The following ARMCX4 variants were observed in gnomAD, a reference collection of about 807,000 sequenced individuals.
ARMCX4 encodes the protein armadillo repeat-containing X-linked protein 4.
A neutral mutation model predicts 34.7 loss-of-function variants in ARMCX4; 3 were observed. The ratio of observed to expected loss-of-function variants is 0.09; its 90% confidence interval spans 0.04 to 0.22. The LOEUF is 0.22. ARMCX4 is among the 10% of genes least tolerant of loss of function. The probability of loss-of-function intolerance (pLI) is 1.00; values close to 1 mark genes in which losing one functional copy is unlikely to be tolerated. For missense variants in ARMCX4, 1,448 were observed against 1,720.8 expected (o/e 0.84, Z 2.81); for synonymous variants, 513 against 632.8 (o/e 0.81, Z 2.84).
At chrX:101,448,045 CTTAA>C (rs1451590690), downstream of ARMCX4, among the ~76,000 whole-genome samples, 1 of 111,455 alleles carries the variant, frequency 9.0e-6, no homozygotes, top group Non-Finnish European at 1.9e-5. Context: ...TCTCCATGAG[CTTAA>C]TTGTTTTAAT....
chrX:101,505,528 A>G (rs2147694935), intron 8 of ARMCX4, among the ~76,000 whole-genome samples: 1 of 111,110 alleles, frequency 9.0e-6, no homozygotes, highest in South Asian at 3.9e-4. Flanking sequence ...TACATATTAC[A>G]GATGATAACA....
chrX:101,421,070 G>A (rs1555989979), intron 2 of ARMCX4, among the ~76,000 whole-genome samples: 1 of 109,506 alleles, frequency 9.1e-6, no homozygotes, highest in Admixed American at 9.8e-5. Context: ...GGGCATGGTG[G>A]TGCATGCTTG....
chrX:101,487,738 G>A (rs1933806987), intron 4 of ARMCX4, 47 bp downstream of exon 4: 1 of 692,811 alleles, frequency 1.4e-6, no homozygotes, highest in Non-Finnish European at 2.0e-6. Context: ...GTGGGTTGGT[G>A]GAGACCAGTG....
downstream of ARMCX4, chrX:101,499,294 G>C (rs1484788313): frequency 8.9e-6 from 1 of 111,773 alleles, no homozygotes; most frequent in Admixed American, 9.5e-5. Context: ...AAGCCATGGC[G>C]TACATAAAGT....
chrX:101,440,473 C>T (rs1335016740), intron 2 of ARMCX4, among the ~76,000 whole-genome samples: 9 of 112,004 alleles, frequency 8.0e-5, no homozygotes, highest in African/African-American at 1.9e-4. Context: ...TCTCCAGCTG[C>T]GTGCTGGGAG....
chrX:101,526,786 C>T (rs1934985631), intron 11 of ARMCX4, among the ~76,000 whole-genome samples: 1 of 111,898 alleles, frequency 8.9e-6, no homozygotes, highest in African/African-American at 3.3e-5. Flanking sequence ...AGCTAACTAT[C>T]CTAAATATAT....
intron 4 of ARMCX4, among the ~76,000 whole-genome samples, chrX:101,479,484 C>CT (rs782507937): frequency 2.2e-3 from 221 of 98,792 alleles, no homozygotes; most frequent in East Asian, 0.013. Flanking sequence ...CTATAAATTC[C>CT]TTTTTTTTTT....
At chrX:101,469,532 A>G (rs1409032635) in intron 4 of ARMCX4, among the ~76,000 whole-genome samples, 1 of 112,272 alleles carries the variant, frequency 8.9e-6, no homozygotes, top group African/African-American at 3.2e-5. Flanking sequence ...CACCAAACTA[A>G]TAAAGTGGCT....
intron 11 of ARMCX4, among the ~76,000 whole-genome samples, chrX:101,515,603 A>G (rs1227289255): frequency 2.0e-5 from 2 of 101,195 alleles, no homozygotes; most frequent in African/African-American, 7.3e-5. Flanking sequence ...TAGTGGTGCA[A>G]TCTTGGCTCA....
In ARMCX4 at chrX:101,489,527, G is replaced by C; in HGVS notation, c.938G>C (p.Gly313Ala). The C allele has an allele frequency of 9.5e-6, 11 of 1,155,567 alleles. No homozygotes were observed. The highest frequency in any genetic ancestry group is 1.3e-5 in the Non-Finnish European group (11 of 872,904). Residue 313 changes from glycine to alanine, a missense_variant, in exon 6 of 6, where the codon GGG (glycine) becomes GCG (alanine). Physicochemically the swap from Gly to Ala is moderately conservative, Grantham distance 60. Around this residue, in one of 2 missense-constraint regions of ARMCX4, gnomAD observed 1,343 missense variants for 1,540.7 expected, o/e 0.87. Coordinates refer to ENST00000423738, the MANE Select transcript of ARMCX4 (RefSeq NM_001256155.3). ...NCKTMSRAES[G>A]ADTRASAQPQ... ...AAAACCATGTCTAGGGCAGAGTCTG[G>C]GGCAGACACGAGGGCTTCTGCTCAG...
At position 101,516,597 on chromosome X, in the gene ARMCX4, A is replaced by G. The variant is rs1466404839; in HGVS notation, c.*1780+5542A>G. The G allele has an allele frequency of 2.1e-4, 23 of 111,475 alleles. No homozygotes were observed. In the Admixed American group the frequency reaches 2.2e-3, roughly 11 times the overall value. The allele number at this position is 111,475 out of a possible 1,213,427, so 9.2% of individuals were successfully genotyped here. ...TACGGTAATTTTGGAGTCCTAATAA[A>G]GGAAAAGGAGTCAGGCTGGCGGGAG... On this transcript the variant is annotated intron_variant and NMD_transcript_variant, in intron 11 of 12. Coordinates refer to the ARMCX4 transcript ENST00000354842.
chrX:101,519,068 A>T (rs1184590932), intron 11 of ARMCX4, among the ~76,000 whole-genome samples: 4 of 111,326 alleles, frequency 3.6e-5, no homozygotes, highest in Non-Finnish European at 7.6e-5. Context: ...TAAAATATAT[A>T]TTAGGCATTT....
intron 11 of ARMCX4, among the ~76,000 whole-genome samples, chrX:101,529,385 A>G (rs1455557098): frequency 8.9e-6 from 1 of 112,102 alleles, no homozygotes; most frequent in Non-Finnish European, 1.9e-5. Context: ...AAACCCTAGA[A>G]GAAAACCTAG....
intron 2 of ARMCX4, among the ~76,000 whole-genome samples, chrX:101,433,829 T>C (rs782701332): frequency 5.4e-5 from 6 of 112,005 alleles, no homozygotes; most frequent in African/African-American, 9.7e-5. Context: ...ATTTGGACTA[T>C]TGGGGCAGAG....
At chrX:101,422,154 T>A (rs930381226) in intron 2 of ARMCX4, among the ~76,000 whole-genome samples, 5 of 108,366 alleles carry the variant, frequency 4.6e-5, no homozygotes, top group African/African-American at 1.7e-4. Context: ...TAGCTGGGAT[T>A]ACAGGTGCCC....
chrX:101,467,679 G>A (rs991113668), intron 4 of ARMCX4, among the ~76,000 whole-genome samples: 12 of 111,318 alleles, frequency 1.1e-4, no homozygotes, highest in Non-Finnish European at 1.7e-4. Flanking sequence ...GGGGGGGGAC[G>A]GTGTCATAAA....
chrX:101,487,807 T>C (rs936525444), intron 4 of ARMCX4, 116 bp downstream of exon 4: 1 of 319,118 alleles, frequency 3.1e-6, no homozygotes, highest in Admixed American at 4.3e-5. Flanking sequence ...TCTCTCCTTT[T>C]CCAGCCACCT....
downstream of ARMCX4, among the ~76,000 whole-genome samples, chrX:101,497,123 A>G (rs969369958): frequency 8.0e-5 from 9 of 112,477 alleles, no homozygotes; most frequent in Non-Finnish European, 1.7e-4. Context: ...CATGCCATAC[A>G]TTTAATGAAG....
intron 4 of ARMCX4, among the ~76,000 whole-genome samples, chrX:101,465,725 C>T (rs782809655): frequency 1.7e-3 from 185 of 111,729 alleles, no homozygotes; most frequent in African/African-American, 5.5e-3. Flanking sequence ...TAGAACCCTG[C>T]ACTCTAAAAC....
Sources: gnomAD v4.1 joint callset for allele counts (sites outside exome capture counted in the v4.1 genomes callset) on GRCh38, gnomAD v4.1.1 for gene constraint, gnomAD v4.1.1 regional missense constraint, MANE v1.5 for transcripts, NCBI Gene and HGNC (gene_info 2026-07-23, HGNC 2026-07-21) for gene names.